The following ZNF48 variants were observed in gnomAD, a reference collection of about 807,000 sequenced individuals.
ZNF48 encodes the protein zinc finger protein 553.
A neutral mutation model predicts 40.0 loss-of-function variants in ZNF48; 20 were observed. The observed-to-expected ratio is 0.50, with a 90% CI of 0.35 to 0.73. The LOEUF is 0.73. Ranked by LOEUF, ZNF48 falls within the 30% of genes least tolerant of loss-of-function variation. The pLI is 0.01. For missense variants in ZNF48, 726 were observed against 851.9 expected (o/e 0.85, Z 1.84); for synonymous variants, 298 against 329.7 (o/e 0.90, Z 1.04).
chr16:30,388,875 C>T lies in ZNF48; in HGVS notation c.-15-6905C>T, dbSNP rs182364917. ...CGCCACTGCACTCCAGCCTGGGCGACGGAGTAAGACTCTATCTCAAAAGAA... is the reference window on the plus strand; with the variant it reads ...CGCCACTGCACTCCAGCCTGGGCGATGGAGTAAGACTCTATCTCAAAAGAA... On this transcript the variant is annotated intron_variant, in intron 1 of 2. Coordinates refer to the ZNF48 transcript ENST00000528032. Among the ~76,000 whole-genome samples, 12 of 151,870 alleles carry T rather than the reference C, an allele frequency of 7.9e-5. No homozygotes were observed. The East Asian group carries it at 1.2e-3, about 15-fold the overall frequency.
intron 1 of ZNF48, chr16:30,378,719 GGGACA>G: frequency 1.2e-6 from 2 of 1,602,410 alleles, no homozygotes; most frequent in South Asian, 2.2e-5. Flanking sequence ...CAGTGGGAAG[GGGACA>G]GGAATCAGGA....
At chr16:30,378,581 G>C in intron 1 of ZNF48, 1 of 1,609,970 alleles carries the variant, frequency 6.2e-7, no homozygotes, top group Non-Finnish European at 8.5e-7. Context: ...CTGGGGCATC[G>C]GTCGGGGGGA....
In ZNF48 at chr16:30,386,939, C is replaced by CTTT. The variant is rs1173887858; in HGVS notation, c.-16+8548_-16+8550dup. Among the ~76,000 whole-genome samples, 39 of 107,634 alleles carry CTTT rather than the reference C, an allele frequency of 3.6e-4. 1 individual carries two copies. Among genetic ancestry groups the CTTT allele is most frequent in the Non-Finnish European group, 4.0e-4 (20 of 50,624 alleles). The allele number at this position is 107,634 out of a possible 152,430, so 70.6% of individuals were successfully genotyped here. A position where few individuals can be genotyped will look rare whatever the true frequency, so the allele number is the denominator to read the frequency against. ...ACAGGTATGAGCCACTGCACCTGGC[C>CTTT]TTTTTTTTTTTTTTTTTTTTTGAGA... On this transcript the variant is annotated intron_variant, in intron 1 of 2. Coordinates refer to the ZNF48 transcript ENST00000528032.
At position 30,382,561 on chromosome 16, in the gene ZNF48, TC is replaced by T; in HGVS notation, c.-16+4155del. On this transcript the variant is annotated intron_variant, in intron 1 of 2. Coordinates refer to the ZNF48 transcript ENST00000528032. The surrounding 1 kb of genome is among the most constrained non-coding windows in gnomAD (Gnocchi z 4.8). The stretch of plus-strand genomic sequence containing the variant: ...CAGCCATCACTGCACCTGCCGTCTC[TC>T]CCCACTTCCTCTGGTGGGGCAGGAA... 6.3e-7 allele frequency: 1 copy of T among 1,585,804 alleles called. No homozygotes were observed.
chr16:30,378,628 G>A, intron 1 of ZNF48: 1 of 1,611,374 alleles, frequency 6.2e-7, no homozygotes, highest in Non-Finnish European at 8.5e-7. Flanking sequence ...CTTTCTCGCG[G>A]ATCAGCTTCT....
At chr16:30,378,325 G>C (rs1337356712) in exon 1 of ZNF48, 3 of 1,089,842 alleles carry the variant, frequency 2.8e-6, no homozygotes, top group Non-Finnish European at 3.8e-6. Context: ...GCCCGCGCGA[G>C]GGCGGCACCC....
rs538773389 is a variant in ZNF48 at position 30,399,958 on chromosome 16, A to G, written c.*851A>G. The G allele has an allele frequency of 6.6e-6, 1 of 152,384 alleles. No homozygotes were observed. The highest frequency in any genetic ancestry group is 1.9e-4 in the East Asian group (1 of 5,184). The allele number at this position is 152,384 out of a possible 1,614,324, so 9.4% of individuals were successfully genotyped here. A position where few individuals can be genotyped will look rare whatever the true frequency, so the allele number is the denominator to read the frequency against. On this transcript the variant is annotated 3_prime_UTR_variant, in exon 3 of 3. Coordinates refer to ENST00000613509, the MANE Select transcript of ZNF48 (RefSeq NM_001214909.2). ...TTTCCATGTGTCTTTTTACCAATAAACGGCTTCTCTTCTGAGGCTTGGACA... is the reference window on the plus strand; with the variant it reads ...TTTCCATGTGTCTTTTTACCAATAAGCGGCTTCTCTTCTGAGGCTTGGACA...
intron 1 of ZNF48, chr16:30,379,194 G>C (rs759914726): frequency 1.8e-5 from 29 of 1,613,562 alleles, no homozygotes; most frequent in Middle Eastern, 1.6e-4. Flanking sequence ...CTGGAGGGGG[G>C]GCGGCGCGGA....
chr16:30,390,229 A>G (rs2049932208), intron 1 of ZNF48, among the ~76,000 whole-genome samples: 1 of 151,926 alleles, frequency 6.6e-6, no homozygotes, highest in Non-Finnish European at 1.5e-5. Flanking sequence ...TCAAGTTCAG[A>G]TCTAATAACT....
chr16:30,383,455 C>T (rs1381841964), intron 1 of ZNF48, among the ~76,000 whole-genome samples: 1 of 152,174 alleles, frequency 6.6e-6, no homozygotes, highest in Admixed American at 6.5e-5. Context: ...TCCCAAACTG[C>T]TGGGATTACG....
Position 30,395,880 on chromosome 16 carries a change from G to A in ZNF48, c.79+7G>A, listed in dbSNP as rs1018178931. On this transcript the variant is annotated splice_region_variant and intron_variant, in intron 2 of 2. Transcript: ENST00000613509. This position sits in a 1 kb window ranked among gnomAD's most constrained non-coding sequence, Gnocchi z 5.9. Reference sequence around the variant, plus strand: ...CAGAGAGGCGCCCGCACAGGTGAGGGCCTCGGCCGTGCGCCGCCACGGACA... The same window carrying A: ...CAGAGAGGCGCCCGCACAGGTGAGGACCTCGGCCGTGCGCCGCCACGGACA... The A allele has an allele frequency of 1.3e-6, 2 of 1,525,458 alleles. No individual in the cohort carries two copies. The highest frequency in any genetic ancestry group is 1.4e-5 in the African/African-American group (1 of 72,666). The allele number at this position is 1,525,458 out of a possible 1,614,324, so 94.5% of individuals were successfully genotyped here. A position where few individuals can be genotyped will look rare whatever the true frequency, so the allele number is the denominator to read the frequency against.
At position 30,397,066 on chromosome 16, in the gene ZNF48, T is replaced by C. The variant is rs2049991223; in HGVS notation, c.80-264T>C. 6.6e-6 allele frequency among the ~76,000 whole-genome samples: 1 copy of C among 152,176 alleles called. No individual in the cohort carries two copies. The highest frequency in any genetic ancestry group is 1.5e-5 in the Non-Finnish European group (1 of 68,048). On this transcript the variant is annotated intron_variant, in intron 2 of 2. Coordinates refer to ENST00000613509, the MANE Select transcript of ZNF48 (RefSeq NM_001214909.2). This position sits in a 1 kb window ranked among gnomAD's most constrained non-coding sequence, Gnocchi z 4.1. ...TCTCTGAGTCTTTCCATGCCTGTAA[T>C]ATGGGGATAGTCATAGTGTTATAGT... is the stretch of plus-strand genomic sequence containing the variant.
At chr16:30,395,352 C>T (rs1321555848), upstream of ZNF48, 3 of 451,870 alleles carry the variant, frequency 6.6e-6, no homozygotes, top group Non-Finnish European at 1.3e-5. This position sits in a 1 kb window ranked among gnomAD's most constrained non-coding sequence, Gnocchi z 5.9. Flanking sequence ...GCGGGCGACC[C>T]CCACAGGCCC....
Position 30,397,710 on chromosome 16 carries a change from G to T in ZNF48, c.460G>T (p.Ala154Ser). 6.2e-7 allele frequency: 1 copy of T among 1,613,912 alleles called. No individual in the cohort carries two copies. The highest frequency in any genetic ancestry group is 8.5e-7 in the Non-Finnish European group (1 of 1,180,002). Reference sequence around the variant, plus strand: ...TGGCAAGGGCTTTGGGGATAGCTCTGCCCGGATCAAACACCAGCGGACTCA... The same window carrying T: ...TGGCAAGGGCTTTGGGGATAGCTCTTCCCGGATCAAACACCAGCGGACTCA... ...VCGKGFGDSS[A>S]RIKHQRTHSG... The change falls in exon 3 of 3, where the codon GCC becomes TCC. Residue 154 changes from alanine (A) to serine (S), a missense_variant. Ala to Ser is a moderately conservative substitution (Grantham distance 99). Coordinates refer to ENST00000613509, the MANE Select transcript of ZNF48 (RefSeq NM_001214909.2). This position sits in a 1 kb window ranked among gnomAD's most constrained non-coding sequence, Gnocchi z 4.1.
At position 30,398,938 on chromosome 16, in the gene ZNF48, G is replaced by A. The variant is rs754175129; in HGVS notation, c.1688G>A (p.Arg563His). 5.6e-6 allele frequency: 9 copies of A among 1,613,820 alleles called. No homozygotes were observed. The highest frequency in any genetic ancestry group is 5.0e-5 in the Admixed American group (3 of 59,986). ...PRSSDLVKHR[R>H]THTGEKPYKC... is the part of the protein sequence containing the mutation. ...AGCTCAGATCTGGTCAAACACAGGC[G>A]TACACACACGGGGGAGAAGCCATAC... The change falls in exon 3 of 3, where the codon CGT becomes CAT. Residue 563 changes from arginine (R) to histidine (H), a missense_variant. Around this residue, in one of 5 missense-constraint regions of ZNF48, gnomAD observed 166 missense variants for 163.6 expected, o/e 1.01. Coordinates refer to ENST00000613509, the MANE Select transcript of ZNF48 (RefSeq NM_001214909.2). This position sits in a 1 kb window ranked among gnomAD's most constrained non-coding sequence, Gnocchi z 6.6.
chr16:30,378,903 A>C, intron 1 of ZNF48: 4 of 884,534 alleles, frequency 4.5e-6, no homozygotes, highest in Non-Finnish European at 4.9e-6. Flanking sequence ...AGGGAGGGAG[A>C]GAGAAGTCTG....
intron 1 of ZNF48, chr16:30,378,995 A>G (rs755512018): frequency 6.2e-7 from 1 of 1,608,140 alleles, no homozygotes; most frequent in Non-Finnish European, 8.5e-7. Context: ...GGAGGCTCTG[A>G]TACTGTCCGC....
At position 30,399,152 on chromosome 16, in the gene ZNF48, C is replaced by A. The variant is rs761945172; in HGVS notation, c.*45C>A. ...AGGCCCAGGAGACCAAAGGGAGGGG[C>A]TCTGCCGCTTAGCAGAGAAGAAAGG... On this transcript the variant is annotated 3_prime_UTR_variant, in exon 3 of 3. Transcript: ENST00000613509. 32 of 1,502,112 alleles carry A rather than the reference C, an allele frequency of 2.1e-5. No individual in the cohort carries two copies. The highest frequency in any genetic ancestry group is 2.8e-5 in the Non-Finnish European group (31 of 1,125,188). The allele number at this position is 1,502,112 out of a possible 1,614,324, so 93.0% of individuals were successfully genotyped here.
At chr16:30,395,090 C>T, upstream of ZNF48, 1 of 389,870 alleles carries the variant, frequency 2.6e-6, no homozygotes, top group Non-Finnish European at 5.3e-6. The surrounding 1 kb of genome is among the most constrained non-coding windows in gnomAD (Gnocchi z 5.9). Flanking sequence ...CCCCTTTCCC[C>T]GGGTCCGTCT....
Sources: allele counts gnomAD v4.1 joint callset (sites outside exome capture counted in the v4.1 genomes callset), GRCh38; gene constraint gnomAD v4.1.1; regional missense constraint gnomAD v4.1.1; non-coding constraint Gnocchi (gnomAD v3.1); transcripts MANE v1.5; gene names NCBI Gene and HGNC (gene_info 2026-07-23, HGNC 2026-07-21).